The following SOX6 variants were observed in gnomAD, a reference collection of about 807,000 sequenced individuals.
SOX6 encodes the protein transcription factor SOX-6.
SOX6 carries 11 observed loss-of-function variants against 97.8 expected under a neutral mutation model. The observed-to-expected ratio is 0.11, with a 90% CI of 0.07 to 0.19. SOX6 has a LOEUF of 0.19. Ranked by LOEUF, SOX6 falls within the 10% of genes least tolerant of loss-of-function variation. The pLI is 1.00. For synonymous variants in SOX6, 360 were observed against 371.4 expected (o/e 0.97, Z 0.35); for missense variants, 810 against 1,039.5 (o/e 0.78, Z 3.04).
chr11:16,251,012 C>A (rs985139694), intron 3 of SOX6, among the ~76,000 whole-genome samples: 1 of 152,106 alleles, frequency 6.6e-6, no homozygotes, highest in African/African-American at 2.4e-5. Context: ...AGAAATATAA[C>A]TAGAAAGTCC....
chr11:16,268,871 A>G (rs1854159630), intron 3 of SOX6, among the ~76,000 whole-genome samples: 1 of 150,610 alleles, frequency 6.6e-6, no homozygotes, highest in African/African-American at 2.4e-5. Context: ...TTTTCTCTCA[A>G]TTTGTAGGTT....
intron 13 of SOX6, among the ~76,000 whole-genome samples, chr11:16,006,607 C>T (rs1453963529): frequency 6.6e-6 from 1 of 152,072 alleles, no homozygotes; most frequent in Non-Finnish European, 1.5e-5. Context: ...CTAGGCTTAT[C>T]TCCAGCCACA....
At chr11:16,437,588 A>G (rs1214106528) in intron 1 of SOX6, among the ~76,000 whole-genome samples, 1 of 152,190 alleles carries the variant, frequency 6.6e-6, no homozygotes, top group Non-Finnish European at 1.5e-5. Context: ...CCTTCTCTTG[A>G]GCAAGTCTCC....
chr11:16,705,053 T>C (rs954276468), intron 3 of SOX6, among the ~76,000 whole-genome samples: 2 of 150,972 alleles, frequency 1.3e-5, no homozygotes, highest in Non-Finnish European at 3.0e-5. Context: ...AGGTCAGGAG[T>C]TCAAGACCAG....
At chr11:16,133,021 G>C (rs1237096265) in intron 6 of SOX6, among the ~76,000 whole-genome samples, 2 of 152,040 alleles carry the variant, frequency 1.3e-5, no homozygotes, top group African/African-American at 4.8e-5. Flanking sequence ...GAGAATTGAT[G>C]TTAAAAGATC....
At chr11:16,238,070 A>G (rs1267442429) in intron 3 of SOX6, among the ~76,000 whole-genome samples, 2 of 152,012 alleles carry the variant, frequency 1.3e-5, no homozygotes, top group Non-Finnish European at 2.9e-5. Flanking sequence ...CTTTGAAAGA[A>G]TCTGTTTCCA....
chr11:16,140,904 A>G (rs140969498), intron 6 of SOX6, among the ~76,000 whole-genome samples: 2,151 of 152,308 alleles, frequency 0.014, 31 homozygotes, highest in Non-Finnish European at 0.023. Flanking sequence ...AGAATAAAAA[A>G]TATCTCTTAG....
chr11:16,098,909 T>C (rs1354313404), intron 7 of SOX6, among the ~76,000 whole-genome samples: 2 of 151,820 alleles, frequency 1.3e-5, no homozygotes, highest in African/African-American at 4.8e-5. Context: ...CTGGTGACTC[T>C]GGTTCCTGGG....
chr11:16,659,792 T>C (rs943112217), intron 3 of SOX6, among the ~76,000 whole-genome samples: 8 of 152,294 alleles, frequency 5.3e-5, no homozygotes, highest in South Asian at 2.1e-4. Flanking sequence ...TATTATTGAC[T>C]CAATTTCTTT....
At chr11:16,471,524 A>G (rs1372017265) in intron 1 of SOX6, among the ~76,000 whole-genome samples, 1 of 152,210 alleles carries the variant, frequency 6.6e-6, no homozygotes, top group Non-Finnish European at 1.5e-5. Flanking sequence ...TAGATCATGT[A>G]GCAAATAAGC....
intron 2 of SOX6, among the ~76,000 whole-genome samples, chr11:16,729,842 A>G (rs1029778960): frequency 1.3e-5 from 2 of 152,146 alleles, no homozygotes; most frequent in African/African-American, 4.8e-5. Flanking sequence ...GTGCAAAGAC[A>G]CACATAGGCT....
intron 4 of SOX6, among the ~76,000 whole-genome samples, chr11:16,565,460 T>A (rs1170475223): frequency 2.7e-5 from 4 of 150,844 alleles, no homozygotes; most frequent in African/African-American, 9.8e-5. Flanking sequence ...ATTAACCTGA[T>A]AACAAAACCA....
At chr11:16,512,830 T>C (rs1033212784) in intron 4 of SOX6, among the ~76,000 whole-genome samples, 4 of 152,110 alleles carry the variant, frequency 2.6e-5, no homozygotes, top group African/African-American at 9.7e-5. Context: ...TGGTGATAAG[T>C]AAAGGAAAAT....
intron 1 of SOX6, among the ~76,000 whole-genome samples, chr11:16,472,015 TC>T (rs796474112): frequency 6.6e-6 from 1 of 152,198 alleles, no homozygotes; most frequent in South Asian, 2.1e-4. Context: ...AGAAACGACA[TC>T]AACAGTGCCC....
intron 6 of SOX6, among the ~76,000 whole-genome samples, chr11:16,152,368 C>G (rs1432457788): frequency 6.6e-6 from 1 of 152,086 alleles, no homozygotes; most frequent in Admixed American, 6.6e-5. Flanking sequence ...CTGGAGAACC[C>G]AAATCTGGCT....
chr11:16,178,338 C>T (rs1405108483), intron 6 of SOX6, among the ~76,000 whole-genome samples: 1 of 151,930 alleles, frequency 6.6e-6, no homozygotes. Context: ...ATGTTTGAAG[C>T]AGACTATAGA....
chr11:16,023,396 G>C (rs913559542), intron 12 of SOX6: 2 of 152,126 alleles, frequency 1.3e-5, no homozygotes, highest in East Asian at 1.9e-4. Context: ...TGGTAAAATT[G>C]CTTCTCTTTC....
At position 16,102,128 on chromosome 11, in the gene SOX6, G is replaced by A. The variant is rs1800269611; in HGVS notation, c.899-4440C>T. On this transcript the variant is annotated intron_variant, in intron 7 of 15. Coordinates refer to ENST00000683767, the MANE Select transcript of SOX6 (RefSeq NM_001367873.1). Reference sequence around the variant, plus strand: ...CATGATATGATTGTATACCTAGAAAGTCCTAAAGACTAATCCAAAAAGCTC... The same window carrying A: ...CATGATATGATTGTATACCTAGAAAATCCTAAAGACTAATCCAAAAAGCTC... Among the ~76,000 whole-genome samples the A allele has an allele frequency of 7.9e-5, 12 of 151,652 alleles. No individual in the cohort carries two copies. In the South Asian group the frequency reaches 2.5e-3, roughly 31 times the overall value.
chr11:16,145,991 GA>G (rs1321790999), intron 6 of SOX6, among the ~76,000 whole-genome samples: 2 of 152,042 alleles, frequency 1.3e-5, no homozygotes, highest in Non-Finnish European at 2.9e-5. Flanking sequence ...CACAGAATTG[GA>G]AAAAACTACT....
Sources: allele counts gnomAD v4.1 joint callset (sites outside exome capture counted in the v4.1 genomes callset), GRCh38; gene constraint gnomAD v4.1.1; transcripts MANE v1.5; gene names NCBI Gene and HGNC (gene_info 2026-07-23, HGNC 2026-07-21).